Variants in FHIT observed in about 807,000 individuals in gnomAD.
The protein encoded by FHIT is bis(5'-adenosyl)-triphosphatase.
FHIT carries 19 observed loss-of-function variants against 17.9 expected under a neutral mutation model. The observed-to-expected ratio is 1.06, with a 90% CI of 0.74 to 1.56. The LOEUF (loss-of-function observed/expected upper bound fraction) is 1.56. Ranked by LOEUF, FHIT falls within the 40% of genes most tolerant of loss-of-function variation. The probability of loss-of-function intolerance (pLI) is 0.00; values close to 1 mark genes in which losing one functional copy is unlikely to be tolerated. For missense variants in FHIT, 248 were observed against 189.2 expected (o/e 1.31, Z -1.82); for synonymous variants, 81 against 69.7 (o/e 1.16, Z -0.81).
intron 4 of FHIT, among the ~76,000 whole-genome samples, chr3:60,568,050 A>C (rs4679551): frequency 6.6e-6 from 1 of 152,040 alleles, no homozygotes. Context: ...TCAGTGTGGC[A>C]ATTCCTCAGG....
chr3:60,472,369 A>ATTTTT (rs370195823), intron 5 of FHIT, among the ~76,000 whole-genome samples: 2 of 134,550 alleles, frequency 1.5e-5, no homozygotes, highest in African/African-American at 5.6e-5. Context: ...ACAATGCTGT[A>ATTTTT]TTTTTTTTTT....
At chr3:60,399,044 G>T (rs2107182899) in intron 5 of FHIT, among the ~76,000 whole-genome samples, 1 of 152,110 alleles carries the variant, frequency 6.6e-6, no homozygotes, top group African/African-American at 2.4e-5. Flanking sequence ...ACCTATTTTT[G>T]GGCCAGATAA....
chr3:60,417,846 C>T (rs1355888091), intron 5 of FHIT, among the ~76,000 whole-genome samples: 3 of 152,130 alleles, frequency 2.0e-5, no homozygotes, highest in South Asian at 4.1e-4. Flanking sequence ...TAATGGATCC[C>T]AGAGGTCTGC....
At chr3:60,224,494 C>A (rs922947432) in intron 5 of FHIT, among the ~76,000 whole-genome samples, 1 of 151,992 alleles carries the variant, frequency 6.6e-6, no homozygotes, top group African/African-American at 2.4e-5. Flanking sequence ...CGAAATGTTC[C>A]CCTCACAAAG....
chr3:60,045,954 T>C (rs1393278517), intron 5 of FHIT, among the ~76,000 whole-genome samples: 1 of 152,210 alleles, frequency 6.6e-6, no homozygotes, highest in Admixed American at 6.5e-5. Flanking sequence ...GGAGATTCTG[T>C]ACATTTCTAC....
At chr3:60,421,250 T>G (rs1702454704) in intron 5 of FHIT, among the ~76,000 whole-genome samples, 2 of 152,150 alleles carry the variant, frequency 1.3e-5, no homozygotes, top group South Asian at 4.1e-4. Context: ...ACTGTTTAGC[T>G]GCCAGGTTTG....
chr3:60,070,371 T>C (rs942617836), intron 5 of FHIT, among the ~76,000 whole-genome samples: 3 of 152,214 alleles, frequency 2.0e-5, no homozygotes, highest in Admixed American at 6.5e-5. Flanking sequence ...GCTGCTCCTT[T>C]ATCTACTGGT....
At chr3:60,424,286 G>A (rs775939469) in intron 5 of FHIT, among the ~76,000 whole-genome samples, 4 of 152,122 alleles carry the variant, frequency 2.6e-5, no homozygotes, top group Non-Finnish European at 4.4e-5. Flanking sequence ...TCTCAATACA[G>A]AGAGCAGTCT....
chr3:60,845,499 C>T (rs753204643), intron 3 of FHIT, among the ~76,000 whole-genome samples: 3 of 152,148 alleles, frequency 2.0e-5, no homozygotes, highest in South Asian at 4.2e-4. Context: ...AGGACAGTTG[C>T]CATGTGTAAT....
At chr3:60,251,695 ACTGAT>A (rs1705720363) in intron 5 of FHIT, among the ~76,000 whole-genome samples, 1 of 152,092 alleles carries the variant, frequency 6.6e-6, no homozygotes, top group African/African-American at 2.4e-5. Flanking sequence ...TAATCTTTCA[ACTGAT>A]CTTATCCTTG....
chr3:59,934,846 A>T (rs1009057541), intron 7 of FHIT, among the ~76,000 whole-genome samples: 8 of 152,042 alleles, frequency 5.3e-5, no homozygotes, highest in Non-Finnish European at 1.0e-4. Flanking sequence ...CCATGATTCA[A>T]TTTTCTCCAC....
chr3:60,088,416 T>A (rs766399988), intron 5 of FHIT, among the ~76,000 whole-genome samples: 3 of 152,180 alleles, frequency 2.0e-5, no homozygotes, highest in Admixed American at 1.3e-4. Flanking sequence ...ACTAACTAGT[T>A]GCACGGCCAT....
chr3:60,694,713 A>G lies in FHIT; in HGVS notation c.-18+127206T>C, dbSNP rs529223668. On this transcript the variant is annotated intron_variant, in intron 4 of 9. Transcript: ENST00000492590. ...GATTAAGAAAATATGGCACATATAC[A>G]CAATGGAATACTATGCAGCCATAAA... Among the ~76,000 whole-genome samples, 8 of 152,346 alleles carry G rather than the reference A, an allele frequency of 5.3e-5. No individual in the cohort carries two copies. The South Asian group carries it at 8.3e-4, about 16-fold the overall frequency.
chr3:60,393,702 T>C lies in FHIT; in HGVS notation c.103+143158A>G, dbSNP rs149921543. On this transcript the variant is annotated intron_variant, in intron 5 of 9. Transcript: ENST00000492590. ...TTAAATAAATTGTCAACTTTAAAAA[T>C]TCAAGATCTTACATCTAAATATCTG... Among the ~76,000 whole-genome samples, 97 of 152,178 alleles carry C rather than the reference T, an allele frequency of 6.4e-4. 1 individual carries two copies. Among genetic ancestry groups the C allele is most frequent in the Middle Eastern group, 3.4e-3 (1 of 294 alleles).
intron 8 of FHIT, among the ~76,000 whole-genome samples, chr3:59,823,687 G>A (rs2106670103): frequency 6.6e-6 from 1 of 152,158 alleles, no homozygotes; most frequent in Non-Finnish European, 1.5e-5. Flanking sequence ...CGGCATATAA[G>A]GGGCATACCT....
At chr3:59,810,869 T>G (rs1700385462) in intron 8 of FHIT, among the ~76,000 whole-genome samples, 2 of 152,218 alleles carry the variant, frequency 1.3e-5, no homozygotes, top group Non-Finnish European at 2.9e-5. Flanking sequence ...GAGTCAGGTT[T>G]TGAGCCAAGT....
At chr3:60,712,417 C>T (rs12497501) in intron 4 of FHIT, among the ~76,000 whole-genome samples, 138,182 of 151,840 alleles carry the variant, frequency 0.91, 63,652 homozygotes, top group East Asian at 1. Context: ...ATCAAATTCA[C>T]ACATAACAAT....
intron 5 of FHIT, among the ~76,000 whole-genome samples, chr3:60,123,254 C>A (rs1160709837): frequency 1.3e-5 from 2 of 152,090 alleles, no homozygotes; most frequent in Non-Finnish European, 2.9e-5. Flanking sequence ...AAATGAGAAG[C>A]ACATGAGATA....
At chr3:59,845,202 G>C (rs972393349) in intron 8 of FHIT, among the ~76,000 whole-genome samples, 2 of 151,564 alleles carry the variant, frequency 1.3e-5, no homozygotes, top group African/African-American at 4.8e-5. Context: ...CTAAAATTTT[G>C]TCAATTTTGT....
Sources: gnomAD v4.1 joint callset for allele counts (sites outside exome capture counted in the v4.1 genomes callset) on GRCh38, gnomAD v4.1.1 for gene constraint, MANE v1.5 for transcripts, NCBI Gene and HGNC (gene_info 2026-07-23, HGNC 2026-07-21) for gene names.